ATP11B: variants seen among roughly 807,000 people sequenced by gnomAD.
The protein encoded by ATP11B is phospholipid-transporting ATPase IF.
A neutral mutation model predicts 157.8 loss-of-function variants in ATP11B; 81 were observed. That is an observed-to-expected ratio of 0.51 (90% CI 0.43 to 0.62). The LOEUF (loss-of-function observed/expected upper bound fraction) is 0.62, where lower values mean the gene tolerates loss of function less well. Ranked by LOEUF, ATP11B falls within the 20% of genes least tolerant of loss-of-function variation. The pLI is 0.00. For synonymous variants in ATP11B, 451 were observed against 469.4 expected, an observed-to-expected ratio of 0.96 and a Z score of 0.51; for missense variants, 1,165 against 1,402.2, an observed-to-expected ratio of 0.83 and a Z score of 2.70.
chr3:182,882,993 C>T (rs1722533664), intron 21 of ATP11B, among the ~76,000 whole-genome samples: 1 of 152,090 alleles, frequency 6.6e-6, no homozygotes, highest in Admixed American at 6.5e-5. Context: ...GATTGGCATC[C>T]ATTATAAACA....
chr3:182,812,101 A>G (rs898252590), intron 1 of ATP11B, among the ~76,000 whole-genome samples: 15 of 152,298 alleles, frequency 9.8e-5, no homozygotes, highest in African/African-American at 3.4e-4. Context: ...TTTTACTTCA[A>G]TACATTTTTT....
intron 28 of ATP11B, among the ~76,000 whole-genome samples, chr3:182,906,894 C>G (rs2037610697): frequency 6.6e-6 from 1 of 151,806 alleles, no homozygotes. Context: ...CGAGACCATC[C>G]TGGCTGACAC....
intron 1 of ATP11B, among the ~76,000 whole-genome samples, chr3:182,799,341 G>A (rs988540095): frequency 4.0e-5 from 6 of 150,946 alleles, no homozygotes; most frequent in Admixed American, 1.3e-4. Context: ...GCAGTTGCGC[G>A]ATCTCAGCTC....
At position 182,907,153 on chromosome 3, in the gene ATP11B, G is replaced by A. The variant is rs189496624; in HGVS notation, c.3319-6708G>A. Among the ~76,000 whole-genome samples, 569 of 152,094 alleles carry A rather than the reference G, an allele frequency of 3.7e-3. 1 individual carries two copies. Among genetic ancestry groups the A allele is most frequent in the South Asian group, 5.4e-3 (26 of 4,820 alleles). On this transcript the variant is annotated intron_variant, in intron 28 of 29. Transcript: ENST00000323116. ...AGAGCTTGATTTTCTCTTCTCTCGA[G>A]GAATAACCCTGACAACCATTTCGAG...
chr3:182,829,839 T>A, intron 4 of ATP11B, 87 bp downstream of exon 4: 1 of 1,409,532 alleles, frequency 7.1e-7, no homozygotes. Flanking sequence ...TTTATTGTTG[T>A]GAAAATAATT....
At chr3:182,866,086 A>G (rs1387039703) in intron 13 of ATP11B, among the ~76,000 whole-genome samples, 182 bp from the exon 14 acceptor site, 1 of 152,188 alleles carries the variant, frequency 6.6e-6, no homozygotes, top group Admixed American at 6.5e-5. Context: ...AAAGATGCTC[A>G]CGTGTTGAAG....
At chr3:182,874,656 A>T (rs1375123862) in intron 19 of ATP11B, among the ~76,000 whole-genome samples, 1 of 152,228 alleles carries the variant, frequency 6.6e-6, no homozygotes, top group Non-Finnish European at 1.5e-5. Flanking sequence ...ATACAGTTCT[A>T]TCGTATGGAA....
chr3:182,815,446 A>G (rs978110695), intron 1 of ATP11B, among the ~76,000 whole-genome samples: 1 of 152,354 alleles, frequency 6.6e-6, no homozygotes, highest in South Asian at 2.1e-4. Flanking sequence ...AGGTTTCAGT[A>G]AAAGACGTTA....
chr3:182,878,261 A>G (rs1305674397), intron 19 of ATP11B, among the ~76,000 whole-genome samples: 1 of 152,222 alleles, frequency 6.6e-6, no homozygotes, highest in African/African-American at 2.4e-5. Flanking sequence ...TATAAGACTA[A>G]AATCTATCAA....
At chr3:182,853,355 G>A (rs749616969) in intron 10 of ATP11B, among the ~76,000 whole-genome samples, 16 of 151,932 alleles carry the variant, frequency 1.1e-4, no homozygotes, top group African/African-American at 1.5e-4. Context: ...CCACAGGTGC[G>A]CGCCACAACA....
At chr3:182,819,683 C>T (rs184562175) in intron 1 of ATP11B, among the ~76,000 whole-genome samples, 169 of 152,280 alleles carry the variant, frequency 1.1e-3, no homozygotes, top group Non-Finnish European at 1.6e-3. Context: ...GGGCAAGACC[C>T]TACCTAATGC....
chr3:182,829,612 A>T, intron 3 of ATP11B, 60 bp from the exon 4 acceptor site: 1 of 1,129,878 alleles, frequency 8.9e-7, no homozygotes, highest in Non-Finnish European at 1.3e-6. Context: ...TTTAGATGTT[A>T]ATAGTGTGAT....
rs767048838 is a variant in ATP11B, at chr3:182,920,146, T to TA, written c.*2043dup. 3 of 152,186 alleles carry TA rather than the reference T, an allele frequency of 2.0e-5. No individual in the cohort carries two copies. The highest frequency in any genetic ancestry group is 6.5e-5 in the Admixed American group (1 of 15,282). The allele number at this position is 152,186 out of a possible 1,614,324, so 9.4% of individuals were successfully genotyped here. On this transcript the variant is annotated 3_prime_UTR_variant, in exon 30 of 30. Coordinates refer to ENST00000323116, the MANE Select transcript of ATP11B (RefSeq NM_014616.3). ...AGACAAAGACTCCAAAGTCATAAAA[T>TA]AGCCTATGACCAACTGCAGCAAGAC... is the stretch of plus-strand genomic sequence containing the variant.
intron 27 of ATP11B, among the ~76,000 whole-genome samples, chr3:182,897,735 C>T (rs1008821347): frequency 4.2e-4 from 64 of 152,018 alleles, no homozygotes; most frequent in African/African-American, 1.5e-3. Context: ...TCACAATTTT[C>T]TTTACACTAG....
At chr3:182,865,113 T>C (rs984083974) in intron 12 of ATP11B, among the ~76,000 whole-genome samples, 19 of 152,130 alleles carry the variant, frequency 1.2e-4, no homozygotes, top group African/African-American at 3.9e-4. Flanking sequence ...CCACCCTGCT[T>C]TAGAGATAAT....
At chr3:182,858,094 T>C (rs1407349454) in intron 11 of ATP11B, 66 bp downstream of exon 11, 1 of 1,402,484 alleles carries the variant, frequency 7.1e-7, no homozygotes, top group East Asian at 2.3e-5. Flanking sequence ...AGTGCTTTGG[T>C]AGTGACTTCT....
chr3:182,897,820 C>A (rs1427382872), intron 27 of ATP11B, among the ~76,000 whole-genome samples: 1 of 151,914 alleles, frequency 6.6e-6, no homozygotes, highest in Non-Finnish European at 1.5e-5. Flanking sequence ...AAATATTAAT[C>A]ATTAACTTTT....
intron 2 of ATP11B, among the ~76,000 whole-genome samples, chr3:182,820,645 G>T (rs879494031): frequency 7.9e-5 from 12 of 151,984 alleles, no homozygotes; most frequent in Non-Finnish European, 1.5e-4. Context: ...CTCCAACCTG[G>T]GCAACAGAGT....
At chr3:182,813,856 T>C (rs111491147) in intron 1 of ATP11B, among the ~76,000 whole-genome samples, 2 of 152,028 alleles carry the variant, frequency 1.3e-5, no homozygotes, top group African/African-American at 4.8e-5. Context: ...GCCTCCCGAG[T>C]AGCTGGAACT....
Sources: gnomAD v4.1 joint callset for allele counts (sites outside exome capture counted in the v4.1 genomes callset) on GRCh38, gnomAD v4.1.1 for gene constraint, MANE v1.5 for transcripts, NCBI Gene and HGNC (gene_info 2026-07-23, HGNC 2026-07-21) for gene names.